Variants in XRRA1 observed in about 807,000 individuals in gnomAD.
The protein encoded by XRRA1 is X-ray radiation resistance-associated protein 1.
A neutral mutation model predicts 80.2 loss-of-function variants in XRRA1; 69 were observed. The ratio of observed to expected loss-of-function variants is 0.86; its 90% CI spans 0.71 to 1.05. The LOEUF (loss-of-function observed/expected upper bound fraction) is 1.05, where lower values mean the gene tolerates loss of function less well. XRRA1 is among the 50% of genes least tolerant of loss of function. The pLI is 0.00. For missense variants in XRRA1, 967 were observed against 976.4 expected, an observed-to-expected ratio of 0.99 and a Z score of 0.13; for synonymous variants, 348 against 389.9, an observed-to-expected ratio of 0.89 and a Z score of 1.27.
chr11:74,943,524 G>GGCGTGTGTGTGTGTGTGTGT (rs1330173160), intron 2 of XRRA1, among the ~76,000 whole-genome samples: 1 of 137,762 alleles, frequency 7.3e-6, no homozygotes, highest in Non-Finnish European at 1.5e-5. Flanking sequence ...AGAGTAGGAG[G>GGCGTGTGTGTGTGTGTGTGT]GTGTGTGTGT....
intron 10 of XRRA1, chr11:74,876,610 A>C (rs541761870): frequency 6.6e-6 from 1 of 152,162 alleles, no homozygotes; most frequent in South Asian, 2.1e-4. Flanking sequence ...AGGGCCCTAC[A>C]CTGTTCTTTC....
chr11:74,863,123 C>T, intron 10 of XRRA1, 102 bp from the exon 11 acceptor site: 1 of 1,112,592 alleles, frequency 9.0e-7, no homozygotes, highest in South Asian at 1.3e-5. Flanking sequence ...AGCAGGGCAC[C>T]TCCTAGAGGG....
intron 17 of XRRA1, 72 bp from the exon 18 acceptor site, chr11:74,844,031 G>A: frequency 6.7e-7 from 1 of 1,502,164 alleles, no homozygotes; most frequent in Non-Finnish European, 9.2e-7. Context: ...ACTTCATACA[G>A]TCACAGCAAC....
At chr11:74,879,664 T>C (rs1373230901) in intron 10 of XRRA1, among the ~76,000 whole-genome samples, 1 of 152,030 alleles carries the variant, frequency 6.6e-6, no homozygotes, top group Non-Finnish European at 1.5e-5. Context: ...ACTGAGAGTT[T>C]TTAGCATGGA....
chr11:74,843,964 C>T lies in XRRA1; in HGVS notation c.2044-5G>A, dbSNP rs2037227005. 1 of 1,611,746 alleles carries T rather than the reference C, an allele frequency of 6.2e-7. No homozygotes were observed. The highest frequency in any genetic ancestry group is 8.5e-7 in the Non-Finnish European group (1 of 1,178,520). ...TGGAATCGGGATTCTCTGGGCCTGG[C>T]AGAAGGTCATGGAGGAGGGTGTTAT... On this transcript the variant is annotated splice_polypyrimidine_tract_variant and splice_region_variant and intron_variant, in intron 17 of 18. Coordinates refer to ENST00000684022, the MANE Select transcript of XRRA1 (RefSeq NM_001378157.1).
At chr11:74,844,027 TACAGTC>T in intron 17 of XRRA1, 68 bp from the exon 18 acceptor site, 1 of 1,510,168 alleles carries the variant, frequency 6.6e-7, no homozygotes, top group Non-Finnish European at 9.2e-7. Context: ...CCTAACTTCA[TACAGTC>T]ACAGCAACAG....
At chr11:74,930,441 A>G in intron 5 of XRRA1, 69 bp from the exon 6 acceptor site, 1 of 1,266,518 alleles carries the variant, frequency 7.9e-7, no homozygotes, top group Admixed American at 2.5e-5. Flanking sequence ...AGCCTTGCTG[A>G]AGCTTCAGGG....
At chr11:74,881,409 C>T (rs1463616009) in intron 10 of XRRA1, among the ~76,000 whole-genome samples, 3 of 150,798 alleles carry the variant, frequency 2.0e-5, no homozygotes, top group African/African-American at 7.4e-5. Flanking sequence ...GGTCTTGACT[C>T]TTTATCCAAT....
chr11:74,854,079 A>G (rs891753622), intron 12 of XRRA1, among the ~76,000 whole-genome samples: 1 of 152,228 alleles, frequency 6.6e-6, no homozygotes, highest in African/African-American at 2.4e-5. Flanking sequence ...AGATGAAGCT[A>G]TTCACTAAGG....
intron 10 of XRRA1, among the ~76,000 whole-genome samples, chr11:74,897,945 G>A (rs1317751190): frequency 6.6e-6 from 1 of 152,084 alleles, no homozygotes; most frequent in East Asian, 1.9e-4. Flanking sequence ...GTAATACTAA[G>A]CACACAGAAA....
At chr11:74,858,904 C>T (rs2041723735) in intron 12 of XRRA1, among the ~76,000 whole-genome samples, 1 of 152,208 alleles carries the variant, frequency 6.6e-6, no homozygotes, top group South Asian at 2.1e-4. Flanking sequence ...GGCCAAGTCT[C>T]TTTCCACAGC....
At chr11:74,845,487 C>T (rs1007287085) in intron 15 of XRRA1, among the ~76,000 whole-genome samples, 7 of 152,190 alleles carry the variant, frequency 4.6e-5, no homozygotes, top group African/African-American at 1.7e-4. Flanking sequence ...CAGAGGAAGC[C>T]CCAACCTAGC....
chr11:74,888,233 G>C (rs1001872216), intron 10 of XRRA1, among the ~76,000 whole-genome samples: 6 of 152,138 alleles, frequency 3.9e-5, no homozygotes, highest in Non-Finnish European at 5.9e-5. Context: ...ACTTCCAGAG[G>C]AACGATCAAG....
At chr11:74,929,447 C>T (rs1350716568) in intron 6 of XRRA1, among the ~76,000 whole-genome samples, 1 of 150,172 alleles carries the variant, frequency 6.7e-6, no homozygotes, top group Non-Finnish European at 1.5e-5. Context: ...TGCCACTGAG[C>T]TTCTCTATTT....
chr11:74,911,526 A>C (rs1443800570), intron 8 of XRRA1: 1 of 152,220 alleles, frequency 6.6e-6, no homozygotes, highest in African/African-American at 2.4e-5. Context: ...CACTGAAAAC[A>C]ACTAGAATGA....
At chr11:74,862,365 A>G (rs1396869166) in intron 11 of XRRA1, among the ~76,000 whole-genome samples, 2 of 152,240 alleles carry the variant, frequency 1.3e-5, no homozygotes, top group African/African-American at 4.8e-5. Flanking sequence ...ACACAGTTCT[A>G]TCTGTGGGGA....
rs547765580 is a variant in XRRA1 at position 74,842,796 on chromosome 11, T to C, written c.*404A>G. Reference sequence around the variant, plus strand: ...ATCTGGTTTTTAAAAATACCCTTTTTTGGAGCCATTGTTCAGGAATTTGTT... The same window carrying C: ...ATCTGGTTTTTAAAAATACCCTTTTCTGGAGCCATTGTTCAGGAATTTGTT... On this transcript the variant is annotated 3_prime_UTR_variant, in exon 19 of 19. Transcript: ENST00000684022. 2.6e-5 allele frequency: 5 copies of C among 192,320 alleles called. No homozygotes were observed. 11.9% of individuals were successfully genotyped at this position (192,320 alleles called of 1,614,324 possible).
intron 10 of XRRA1, among the ~76,000 whole-genome samples, chr11:74,889,903 A>C (rs903153945): frequency 1.4e-4 from 22 of 152,344 alleles, no homozygotes; most frequent in Non-Finnish European, 2.6e-4. Flanking sequence ...TCATAAAGCA[A>C]GTGCTTAGAG....
chr11:74,874,260 A>C (rs1667578388), intron 10 of XRRA1, among the ~76,000 whole-genome samples: 1 of 148,814 alleles, frequency 6.7e-6, no homozygotes. Context: ...AAAAAAAAAA[A>C]AAGAAAGAAA....
Sources: allele counts gnomAD v4.1 joint callset (sites outside exome capture counted in the v4.1 genomes callset), GRCh38; gene constraint gnomAD v4.1.1; transcripts MANE v1.5; gene names NCBI Gene and HGNC (gene_info 2026-07-23, HGNC 2026-07-21).